Variants in HMCN2 observed in about 807,000 individuals in gnomAD.
The protein encoded by HMCN2 is hemicentin-2.
In HMCN2, 325 loss-of-function variants were observed where a neutral mutation model predicts 377.5. The ratio of observed to expected loss-of-function variants is 0.86; its 90% CI spans 0.79 to 0.94. The LOEUF is 0.94. Among genes scored for constraint, HMCN2 ranks in the 40% least tolerant of loss-of-function variants. HMCN2 has a pLI of 0.00. For missense variants in HMCN2, 4,543 were observed against 4,725.3 expected (o/e 0.96, Z 1.13); for synonymous variants, 2,007 against 2,046.8 (o/e 0.98, Z 0.53).
rs369850871 is a variant in HMCN2 at position 130,400,966 on chromosome 9, C to T, written c.11770+19C>T. 130 of 1,276,046 alleles carry T rather than the reference C, an allele frequency of 1.0e-4. No homozygotes were observed. In the East Asian group the frequency reaches 4.9e-3, roughly 49 times the overall value. The allele number at this position is 1,276,046 out of a possible 1,614,324, so 79.0% of individuals were successfully genotyped here. A position where few individuals can be genotyped will look rare whatever the true frequency, so the allele number is the denominator to read the frequency against. The stretch of plus-strand genomic sequence containing the variant: ...CCATCGGGTAAGTAAGGGTAAGCCA[C>T]AGAGAGAGGCAGCTGAGGGGAGACT... On this transcript the variant is annotated intron_variant, in intron 77 of 97. Transcript: ENST00000683500.
chr9:130,329,135 A>G (rs907367700), intron 22 of HMCN2, among the ~76,000 whole-genome samples: 1 of 152,132 alleles, frequency 6.6e-6, no homozygotes, highest in Admixed American at 6.5e-5. Context: ...CTTCATACTC[A>G]TTGGCAGCCA....
intron 84 of HMCN2, 50 bp from the exon 85 acceptor site, chr9:130,410,521 C>T: frequency 6.6e-7 from 1 of 1,520,802 alleles, no homozygotes; most frequent in Non-Finnish European, 8.9e-7. Flanking sequence ...GTCTGAGCCA[C>T]TCATCTTCTT....
chr9:130,430,397 G>C lies in HMCN2; in HGVS notation c.14440G>C (p.Ala4814Pro). Residue 4814 changes from alanine to proline, a missense_variant, in exon 95 of 98, where the codon GCC becomes CCC. This residue lies in a region of HMCN2 where 1,155 missense variants were observed against 1,157.7 expected (regional missense o/e 1.00). Transcript: ENST00000683500. ...CCAGACCCTCCTTCGCGACGGCAAG[G>C]CCTGCACCTCACTGGAGCGGAATGG... ...PGQTLLRDGKACTSLERNGQN... is the reference protein window; with the variant it reads ...PGQTLLRDGKPCTSLERNGQN... 6.4e-7 allele frequency: 1 copy of C among 1,550,406 alleles called. No individual in the cohort carries two copies.
rs751910213 is a variant in HMCN2 at position 130,410,642 on chromosome 9, C to T, written c.12951C>T (p.Leu4317=). 30 of 1,550,454 alleles carry T rather than the reference C, an allele frequency of 1.9e-5. No individual in the cohort carries two copies. The highest frequency in any genetic ancestry group is 2.4e-5 in the Non-Finnish European group (27 of 1,146,972). The part of the protein sequence containing the change: ...EMGVAKKVVI[L]VLQSAPVFQV... ...GCGTGGCGAAGAAAGTGGTGATCCT[C>T]GTCCTGCAGAGTGAGTCTCGGCCTC... Residue 4317 remains leucine, a synonymous_variant, in exon 85 of 98, where the codon CTC becomes CTT. Coordinates refer to ENST00000683500, the MANE Select transcript of HMCN2 (RefSeq NM_001291815.2).
rs1588449186 is a variant in HMCN2, at chr9:130,428,621, T to G, written c.14197+132T>G. 7.8e-7 allele frequency: 1 copy of G among 1,282,832 alleles called. No individual in the cohort carries two copies. The highest frequency in any genetic ancestry group is 2.7e-4 in the Middle Eastern group (1 of 3,682). 79.5% of individuals were successfully genotyped at this position (1,282,832 alleles called of 1,614,324 possible). A position where few individuals can be genotyped will look rare whatever the true frequency, so the allele number is the denominator to read the frequency against. On this transcript the variant is annotated intron_variant, in intron 93 of 97. Coordinates refer to ENST00000683500, the MANE Select transcript of HMCN2 (RefSeq NM_001291815.2). This position sits in a 1 kb window ranked among gnomAD's most constrained non-coding sequence, Gnocchi z 5.0. ...AGACTGGGACTCTTGGCAGAAGGAGTACAGCAAGGCTGGGGACAAAGCCTG... is the reference window on the plus strand; with the variant it reads ...AGACTGGGACTCTTGGCAGAAGGAGGACAGCAAGGCTGGGGACAAAGCCTG...
chr9:130,397,826 T>C (rs1229226529), intron 74 of HMCN2, among the ~76,000 whole-genome samples, 171 bp downstream of exon 74: 2 of 152,114 alleles, frequency 1.3e-5, no homozygotes, highest in African/African-American at 4.8e-5. Flanking sequence ...AGGACACAGA[T>C]GTATTTTAGT....
At chr9:130,376,190 T>C (rs970244798) in intron 51 of HMCN2, among the ~76,000 whole-genome samples, 2 of 152,146 alleles carry the variant, frequency 1.3e-5, no homozygotes, top group Admixed American at 1.3e-4. Flanking sequence ...CCACTTGGGC[T>C]CCCAGACCCA....
chr9:130,396,291 C>T lies in HMCN2; in HGVS notation c.11176C>T (p.Pro3726Ser), dbSNP rs187818002. 2.8e-4 allele frequency: 351 copies of T among 1,274,850 alleles called. 1 individual carries two copies. The African/African-American group carries it at 4.9e-3, about 18-fold the overall frequency. 79.0% of individuals were successfully genotyped at this position (1,274,850 alleles called of 1,614,324 possible). The change falls in exon 73 of 98, where the codon CCC becomes TCC. Residue 3726 changes from proline to serine, a missense_variant. Physicochemically the swap from Pro to Ser is moderately conservative, Grantham distance 74. Around this residue, in one of 5 missense-constraint regions of HMCN2, gnomAD observed 1,073 missense variants for 1,319.5 expected, o/e 0.81. Transcript: ENST00000683500. ...CGTGAGCTGGCGGAAGGACAGGGTC[C>T]CCCTGGATCCCAGGAGCCCCAGGTG... ...PLVSWRKDRV[P>S]LDPRSPRFEI...
intron 85 of HMCN2, 151 bp from the exon 86 acceptor site, chr9:130,418,621 C>A: frequency 1.8e-6 from 1 of 548,738 alleles, no homozygotes; most frequent in Non-Finnish European, 2.9e-6. Flanking sequence ...GGGAAATATT[C>A]AGGAACGATG....
rs369730355 is a variant in HMCN2 at position 130,383,552 on chromosome 9, G to A, written c.8782G>A (p.Glu2928Lys). ...ADAASYMCVAENQAGSAEKLF... is the reference protein window; with the variant it reads ...ADAASYMCVAKNQAGSAEKLF... ...CGCCGCCAGCTACATGTGTGTGGCC[G>A]AGAACCAGGCGGGCTCCGCTGAGAA... The change falls in exon 57 of 98, where the codon GAG becomes AAG. Residue 2928 changes from glutamate to lysine, a missense_variant. Physicochemically the swap from Glu to Lys is moderately conservative, Grantham distance 56. Coordinates refer to ENST00000683500, the MANE Select transcript of HMCN2 (RefSeq NM_001291815.2). The A allele has an allele frequency of 7.1e-6, 7 of 985,916 alleles. No individual in the cohort carries two copies. The highest frequency in any genetic ancestry group is 5.2e-5 in the African/African-American group (3 of 57,234). 61.1% of individuals were successfully genotyped at this position (985,916 alleles called of 1,614,324 possible). A position where few individuals can be genotyped will look rare whatever the true frequency, so the allele number is the denominator to read the frequency against.
In HMCN2 at chr9:130,414,028, G is replaced by A. The variant is rs752951849; in HGVS notation, c.12961+3376G>A. Among the ~76,000 whole-genome samples, 17 of 148,766 alleles carry A rather than the reference G, an allele frequency of 1.1e-4. No homozygotes were observed. The highest frequency in any genetic ancestry group is 3.6e-3 in the Middle Eastern group (1 of 278). On this transcript the variant is annotated intron_variant, in intron 85 of 97. Transcript: ENST00000683500. The surrounding 1 kb of genome is among the most constrained non-coding windows in gnomAD (Gnocchi z 4.4). ...AAAAAAAATAGCTGGGCATGGTGGC[G>A]CACACCTGTAATCCCAGCTACTTGG... is the stretch of plus-strand genomic sequence containing the variant.
chr9:130,339,983 G>A (rs1838961672), intron 23 of HMCN2, among the ~76,000 whole-genome samples: 3 of 152,226 alleles, frequency 2.0e-5, no homozygotes. Flanking sequence ...CCCCGCAGGG[G>A]CCTGGACCCT....
chr9:130,340,210 G>A (rs1378364403), intron 23 of HMCN2, among the ~76,000 whole-genome samples: 1 of 152,266 alleles, frequency 6.6e-6, no homozygotes, highest in Non-Finnish European at 1.5e-5. Context: ...GCCACAGCCA[G>A]GGGGAGGGAA....
In HMCN2 at chr9:130,271,537, G is replaced by C. The variant is rs1179580405; in HGVS notation, c.259+5400G>C. Among the ~76,000 whole-genome samples, 24 of 149,264 alleles carry C rather than the reference G, an allele frequency of 1.6e-4. 3 individuals are homozygous for C. The highest frequency in any genetic ancestry group is 1.6e-3 in the Admixed American group (24 of 14,942). ...ACTGTGGTCATCGGGAGCTCGTTCA[G>C]TTGGTTTCTGTGTCCCTTGGACACC... On this transcript the variant is annotated intron_variant, in intron 1 of 97. Coordinates refer to ENST00000683500, the MANE Select transcript of HMCN2 (RefSeq NM_001291815.2).
rs1439255975 is a variant in HMCN2, at chr9:130,347,106, G to A, written c.3830-60G>A. 2 of 152,330 alleles carry A rather than the reference G, an allele frequency of 1.3e-5. No homozygotes were observed. The highest frequency in any genetic ancestry group is 2.9e-5 in the Non-Finnish European group (2 of 68,164). The allele number at this position is 152,330 out of a possible 1,614,324, so 9.4% of individuals were successfully genotyped here. A position where few individuals can be genotyped will look rare whatever the true frequency, so the allele number is the denominator to read the frequency against. On this transcript the variant is annotated intron_variant, in intron 25 of 97. Coordinates refer to ENST00000683500, the MANE Select transcript of HMCN2 (RefSeq NM_001291815.2). The surrounding 1 kb of genome is among the most constrained non-coding windows in gnomAD (Gnocchi z 5.1). Reference sequence around the variant, plus strand: ...ACAGGAGAGACATGTGGGAGACAGTGCAGGTGTGGAGGGGAAGGTGTCAGG... The same window carrying A: ...ACAGGAGAGACATGTGGGAGACAGTACAGGTGTGGAGGGGAAGGTGTCAGG...
chr9:130,429,367 TG>T, intron 93 of HMCN2, 189 bp from the exon 94 acceptor site: 1 of 663,572 alleles, frequency 1.5e-6, no homozygotes, highest in South Asian at 2.0e-5. Context: ...CTCTGGGACC[TG>T]GAACCCTGTT....
chr9:130,406,100 T>C lies in HMCN2; in HGVS notation c.12485T>C (p.Leu4162Pro). Residue 4162 changes from leucine (L) to proline (P), a missense_variant, in exon 82 of 98, where the codon CTT (leucine) becomes CCT (proline). Physicochemically the swap from Leu to Pro is moderately conservative, Grantham distance 98. Coordinates refer to ENST00000683500, the MANE Select transcript of HMCN2 (RefSeq NM_001291815.2). ...RSLRLGDRLW[L>P]RCAARGSPTP... ...CTGCGCCTTGGGGACAGGCTGTGGC[T>C]TCGCTGTGCAGCCCGGGGCAGCCCC... 1 of 1,289,858 alleles carries C rather than the reference T, an allele frequency of 7.8e-7. No homozygotes were observed. The highest frequency in any genetic ancestry group is 1.0e-6 in the Non-Finnish European group (1 of 988,878). 79.9% of individuals were successfully genotyped at this position (1,289,858 alleles called of 1,614,324 possible). A position where few individuals can be genotyped will look rare whatever the true frequency, so the allele number is the denominator to read the frequency against.
At chr9:130,328,663 G>A (rs1322933163) in intron 22 of HMCN2, among the ~76,000 whole-genome samples, 1 of 152,084 alleles carries the variant, frequency 6.6e-6, no homozygotes, top group Non-Finnish European at 1.5e-5. Context: ...GGCGGGGGTG[G>A]GGTTAAGTGC....
intron 1 of HMCN2, among the ~76,000 whole-genome samples, chr9:130,282,082 C>T (rs1473541116): frequency 6.6e-6 from 1 of 152,144 alleles, no homozygotes; most frequent in Non-Finnish European, 1.5e-5. Flanking sequence ...ATAACCAGCA[C>T]TGAGTGAAAT....
Sources: gnomAD v4.1 joint callset for allele counts (sites outside exome capture counted in the v4.1 genomes callset) on GRCh38, gnomAD v4.1.1 for gene constraint, gnomAD v4.1.1 regional missense constraint, Gnocchi (gnomAD v3.1) non-coding constraint, MANE v1.5 for transcripts, NCBI Gene and HGNC (gene_info 2026-07-23, HGNC 2026-07-21) for gene names.